Variants in PCCA observed in about 807,000 individuals in gnomAD.
PCCA encodes propionyl-CoA carboxylase subunit alpha, also known as propionyl-CoA carboxylase alpha chain, mitochondrial.
In PCCA, 74 loss-of-function variants were observed where a neutral mutation model predicts 101.3. The observed-to-expected ratio is 0.73, with a 90% CI of 0.61 to 0.89. PCCA has a LOEUF of 0.89. PCCA is among the 40% of genes least tolerant of loss of function. PCCA has a pLI of 0.00. For synonymous variants in PCCA, 294 were observed against 313.6 expected, an observed-to-expected ratio of 0.94 and a Z score of 0.66; for missense variants, 891 against 907.0, an observed-to-expected ratio of 0.98 and a Z score of 0.23.
intron 12 of PCCA, among the ~76,000 whole-genome samples, chr13:100,286,586 C>T (rs554563609): frequency 1.3e-5 from 2 of 152,138 alleles, no homozygotes; most frequent in Admixed American, 6.5e-5. Context: ...TTCTTTGAAA[C>T]GAAATTTAGA....
At chr13:100,349,274 C>A (rs2072965578) in intron 18 of PCCA, among the ~76,000 whole-genome samples, 2 of 152,184 alleles carry the variant, frequency 1.3e-5, no homozygotes, top group Admixed American at 1.3e-4. Context: ...CAGGCGTGCA[C>A]CACCATGCCT....
At chr13:100,476,527 A>G (rs2083431547) in intron 21 of PCCA, among the ~76,000 whole-genome samples, 1 of 152,182 alleles carries the variant, frequency 6.6e-6, no homozygotes. Flanking sequence ...AGAAGTGAGG[A>G]AGAGAAAGTC....
rs2076938937 is a variant in PCCA at position 100,394,074 on chromosome 13, C to CT, written c.1746+25501dup. Among the ~76,000 whole-genome samples, 1 of 152,180 alleles carries CT rather than the reference C, an allele frequency of 6.6e-6. No individual in the cohort carries two copies. The stretch of plus-strand genomic sequence containing the variant: ...GAGCCTCTGTATGCGTCAGCTGTGA[C>CT]TGAGTGTTTTGATGTCTTAGCAAAA... On this transcript the variant is annotated intron_variant, in intron 19 of 23. Coordinates refer to ENST00000376285, the MANE Select transcript of PCCA (RefSeq NM_000282.4). The surrounding 1 kb of genome is among the most constrained non-coding windows in gnomAD (Gnocchi z 4.3).
intron 1 of PCCA, 115 bp downstream of exon 1, chr13:100,089,340 G>T: frequency 7.8e-7 from 1 of 1,285,244 alleles, no homozygotes; most frequent in East Asian, 3.1e-5. Flanking sequence ...CCGCGCCCCG[G>T]TTCCGCATCA....
chr13:100,378,337 A>G (rs2076042177), intron 19 of PCCA, among the ~76,000 whole-genome samples: 1 of 152,180 alleles, frequency 6.6e-6, no homozygotes, highest in Non-Finnish European at 1.5e-5. Context: ...ATGACTAGAT[A>G]CTTTTCTCTT....
chr13:100,197,975 A>G (rs1478422053), intron 6 of PCCA, among the ~76,000 whole-genome samples: 4 of 152,224 alleles, frequency 2.6e-5, no homozygotes, highest in African/African-American at 9.6e-5. Flanking sequence ...TTGGAAACCA[A>G]AACTATTTAC....
At chr13:100,265,551 TC>T (rs1447791024) in intron 10 of PCCA, among the ~76,000 whole-genome samples, 2 of 152,152 alleles carry the variant, frequency 1.3e-5, no homozygotes. Context: ...GTCAACCTGT[TC>T]CCCCTACGGA....
At chr13:100,310,012 A>G (rs1451548615) in intron 16 of PCCA, 104 bp downstream of exon 16, 1 of 825,204 alleles carries the variant, frequency 1.2e-6, no homozygotes, top group Non-Finnish European at 2.1e-6. Flanking sequence ...ACATTTGCTC[A>G]CTATGTGCTT....
chr13:100,255,780 C>T (rs1287843583), intron 8 of PCCA, among the ~76,000 whole-genome samples: 6 of 152,140 alleles, frequency 3.9e-5, no homozygotes, highest in Admixed American at 1.3e-4. Flanking sequence ...GATTAAAACT[C>T]GTGCATAATC....
chr13:100,515,608 C>G lies in PCCA; in HGVS notation c.2040+41C>G. ...GTCTCTCTGCAGGACATGCTGGTCT[C>G]CAACTTCCCCTTCCAAAGCGACGGC... On this transcript the variant is annotated intron_variant, in intron 22 of 23. Coordinates refer to ENST00000376285, the MANE Select transcript of PCCA (RefSeq NM_000282.4). 5 of 1,608,854 alleles carry G rather than the reference C, an allele frequency of 3.1e-6. No homozygotes were observed. The South Asian group carries it at 5.5e-5, about 18-fold the overall frequency.
At chr13:100,527,200 G>T in intron 22 of PCCA, 1 of 449,004 alleles carries the variant, frequency 2.2e-6, no homozygotes. Flanking sequence ...TCAGAGTTGT[G>T]TAGTTGTCAC....
intron 22 of PCCA, among the ~76,000 whole-genome samples, chr13:100,522,553 G>A (rs536943550): frequency 3.5e-4 from 53 of 152,158 alleles, no homozygotes; most frequent in Non-Finnish European, 6.6e-4. Flanking sequence ...ACGTCCCCTG[G>A]CCTCTATTTC....
At chr13:100,523,549 C>T (rs532844394) in intron 22 of PCCA, among the ~76,000 whole-genome samples, 2 of 152,286 alleles carry the variant, frequency 1.3e-5, no homozygotes, top group South Asian at 2.1e-4. Flanking sequence ...ACACTCGGGC[C>T]CCCACGACAT....
At chr13:100,146,293 G>A (rs868112035) in intron 4 of PCCA, among the ~76,000 whole-genome samples, 21 of 151,330 alleles carry the variant, frequency 1.4e-4, no homozygotes, top group African/African-American at 4.6e-4. Context: ...ATGGTTAATG[G>A]TGGCTGGGCG....
At chr13:100,248,394 A>G (rs2061569534) in intron 8 of PCCA, among the ~76,000 whole-genome samples, 1 of 151,960 alleles carries the variant, frequency 6.6e-6, no homozygotes, top group African/African-American at 2.4e-5. Context: ...CTATTGTTTC[A>G]GTGCTTGCTA....
chr13:100,191,427 A>G (rs1236991538), intron 6 of PCCA, among the ~76,000 whole-genome samples: 4 of 152,184 alleles, frequency 2.6e-5, no homozygotes, highest in Admixed American at 2.6e-4. Context: ...CTTGTGTCGC[A>G]GCTTACTACG....
intron 18 of PCCA, among the ~76,000 whole-genome samples, chr13:100,355,937 A>C (rs2152789828): frequency 6.6e-6 from 1 of 152,322 alleles, no homozygotes; most frequent in South Asian, 2.1e-4. Context: ...TCAATGGAAT[A>C]GAATCGAGAC....
chr13:100,120,021 A>G (rs1049538274), intron 4 of PCCA, among the ~76,000 whole-genome samples: 1 of 151,598 alleles, frequency 6.6e-6, no homozygotes, highest in Non-Finnish European at 1.5e-5. Context: ...ACAGGCATGC[A>G]TCACCAAACT....
At chr13:100,237,135 T>C (rs1440897801) in intron 8 of PCCA, 1 of 152,234 alleles carries the variant, frequency 6.6e-6, no homozygotes, top group East Asian at 1.9e-4. Context: ...TGTAGAAATA[T>C]CTTATTGGTC....
Sources: gnomAD v4.1 joint callset for allele counts (sites outside exome capture counted in the v4.1 genomes callset) on GRCh38, gnomAD v4.1.1 for gene constraint, Gnocchi (gnomAD v3.1) non-coding constraint, MANE v1.5 for transcripts, NCBI Gene and HGNC (gene_info 2026-07-23, HGNC 2026-07-21) for gene names.